LRRN1: variants seen among roughly 807,000 people sequenced by gnomAD.
The protein encoded by LRRN1 is leucine-rich repeat neuronal protein 1.
Under a neutral mutation model 45.8 loss-of-function variants are expected in LRRN1, and 14 were observed. That is an observed-to-expected ratio of 0.31 (90% CI 0.20 to 0.48). The LOEUF (loss-of-function observed/expected upper bound fraction) is 0.48, where lower values mean the gene tolerates loss of function less well. LRRN1 is among the 20% of genes least tolerant of loss of function. LRRN1 has a pLI of 0.99. For missense variants in LRRN1, 789 were observed against 874.2 expected (o/e 0.90, Z 1.23); for synonymous variants, 359 against 330.1 (o/e 1.09, Z -0.95).
Position 3,848,293 on chromosome 3 carries a change from G to A in LRRN1, c.*1501G>A, listed in dbSNP as rs1693821338. 6.6e-6 allele frequency among the ~76,000 whole-genome samples: 1 copy of A among 152,150 alleles called. No individual in the cohort carries two copies. The highest frequency in any genetic ancestry group is 6.5e-5 in the Admixed American group (1 of 15,268). On this transcript the variant is annotated 3_prime_UTR_variant, in exon 2 of 2. Transcript: ENST00000319331. The stretch of plus-strand genomic sequence containing the variant: ...TTTGGAGAATTGTTTCAAGATTATA[G>A]AGGAAACATGTAACATTTAGAGCAG...
At position 3,844,764 on chromosome 3, in the gene LRRN1, T is replaced by A. The variant is rs1036891397; in HGVS notation, c.123T>A (p.Arg41=). 9 of 1,614,094 alleles carry A rather than the reference T, an allele frequency of 5.6e-6. No individual in the cohort carries two copies. Among genetic ancestry groups the A allele is most frequent in the Non-Finnish European group, 7.6e-6 (9 of 1,180,002 alleles). Reference sequence around the variant, plus strand: ...CACAACTTTGCGTATGTGAAATTCGTCCCTGGTTTACCCCACAGTCAACTT... The same window carrying A: ...CACAACTTTGCGTATGTGAAATTCGACCCTGGTTTACCCCACAGTCAACTT... ...ECPQLCVCEI[R]PWFTPQSTYR... Residue 41 remains arginine, a synonymous_variant, in exon 2 of 2, where the codon CGT becomes CGA. Transcript: ENST00000319331.
At chr3:3,811,094 TAG>T (rs1692863146) in intron 1 of LRRN1, among the ~76,000 whole-genome samples, 1 of 152,116 alleles carries the variant, frequency 6.6e-6, no homozygotes, top group South Asian at 2.1e-4. Context: ...GGCCAATAAA[TAG>T]AGTTTTCTAA....
At chr3:3,807,977 GT>G (rs1243874477) in intron 1 of LRRN1, among the ~76,000 whole-genome samples, 1 of 152,174 alleles carries the variant, frequency 6.6e-6, no homozygotes, top group Non-Finnish European at 1.5e-5. Flanking sequence ...AAAAATGTAG[GT>G]CACTTCAAAG....
chr3:3,823,775 A>AT (rs1005837861), intron 1 of LRRN1, among the ~76,000 whole-genome samples: 21 of 151,810 alleles, frequency 1.4e-4, no homozygotes, highest in Admixed American at 3.3e-4. Context: ...TTTCTTTTTA[A>AT]TTTTTTTTTA....
chr3:3,832,311 C>T (rs550665696), intron 1 of LRRN1, among the ~76,000 whole-genome samples: 1 of 152,312 alleles, frequency 6.6e-6, no homozygotes, highest in African/African-American at 2.4e-5. Flanking sequence ...CCATAATAGC[C>T]TTCCAGTCAG....
intron 1 of LRRN1, among the ~76,000 whole-genome samples, chr3:3,817,936 A>C (rs1490912817): frequency 5.9e-5 from 9 of 152,226 alleles, no homozygotes; most frequent in Non-Finnish European, 1.3e-4. Context: ...AGTCTAATGG[A>C]ATTGCTTGAC....
intron 1 of LRRN1, among the ~76,000 whole-genome samples, chr3:3,822,274 T>A (rs574150689): frequency 6.6e-6 from 1 of 152,352 alleles, no homozygotes; most frequent in South Asian, 2.1e-4. Context: ...AACTAACTGC[T>A]GTTACTCTTA....
At position 3,849,780 on chromosome 3, in the gene LRRN1, A is replaced by C. The variant is rs147499781; in HGVS notation, c.*2988A>C. ...ATTGTCAGTGTTTCTGATTTGGCAA[A>C]AAGGAATCATCTCTATTTTTTTGCA... On this transcript the variant is annotated 3_prime_UTR_variant, in exon 2 of 2. Coordinates refer to ENST00000319331, the MANE Select transcript of LRRN1 (RefSeq NM_020873.7). Among the ~76,000 whole-genome samples the C allele has an allele frequency of 1.6e-3, 238 of 152,360 alleles. No individual in the cohort carries two copies. Among genetic ancestry groups the C allele is most frequent in the African/African-American group, 5.4e-3 (226 of 41,592 alleles).
chr3:3,834,984 T>G (rs564157461), intron 1 of LRRN1, among the ~76,000 whole-genome samples: 6 of 152,270 alleles, frequency 3.9e-5, no homozygotes, highest in African/African-American at 1.4e-4. Flanking sequence ...AAGTTGACAC[T>G]GGGTATTAAC....
At chr3:3,829,000 T>TTG (rs1693301784) in intron 1 of LRRN1, among the ~76,000 whole-genome samples, 1 of 151,602 alleles carries the variant, frequency 6.6e-6, no homozygotes, top group African/African-American at 2.4e-5. Context: ...TCTTTTTTTT[T>TTG]TTTTTTCCTG....
rs141275569 is a variant in LRRN1 at position 3,834,763 on chromosome 3, C to T, written c.-278-9601C>T. ...GTTCGAGGGCAGGAAGCATCCAGCACAGGAGAAAGATGTAGGCTGGGAGGC... is the reference window on the plus strand; with the variant it reads ...GTTCGAGGGCAGGAAGCATCCAGCATAGGAGAAAGATGTAGGCTGGGAGGC... On this transcript the variant is annotated intron_variant, in intron 1 of 1. Coordinates refer to ENST00000319331, the MANE Select transcript of LRRN1 (RefSeq NM_020873.7). Among the ~76,000 whole-genome samples the T allele has an allele frequency of 3.2e-3, 488 of 151,204 alleles. 2 individuals are homozygous for T. Among genetic ancestry groups the T allele is most frequent in the African/African-American group, 0.01 (420 of 41,188 alleles).
rs1433402824 is a variant in LRRN1 at position 3,845,389 on chromosome 3, AAACTGGT to A, written c.749_755del (p.Lys250IlefsTer14). 6.2e-7 allele frequency: 1 copy of A among 1,614,100 alleles called. No individual in the cohort carries two copies. Among genetic ancestry groups the A allele is most frequent in the Admixed American group, 1.7e-5 (1 of 60,006 alleles). On this transcript the variant is annotated frameshift_variant, in exon 2 of 2. Transcript: ENST00000319331. LOFTEE classifies it high-confidence loss of function. The surrounding 1 kb of genome is among the most constrained non-coding windows in gnomAD (Gnocchi z 6.5). ...TGAGAGCCTGTCTTTTTATGATAAC[AAACTGGT>A]TAAAGTCCCTCAACTTGCCCTGCAA...
intron 1 of LRRN1, among the ~76,000 whole-genome samples, chr3:3,803,367 A>C (rs1050772551): frequency 4.6e-5 from 7 of 152,230 alleles, no homozygotes; most frequent in Admixed American, 1.3e-4. Flanking sequence ...TCATAAATAA[A>C]ATATGGTAAA....
At position 3,816,616 on chromosome 3, in the gene LRRN1, C is replaced by G. The variant is rs998873704; in HGVS notation, c.-279+16697C>G. Among the ~76,000 whole-genome samples, 1 of 152,120 alleles carries G rather than the reference C, an allele frequency of 6.6e-6. No individual in the cohort carries two copies. Among genetic ancestry groups the G allele is most frequent in the Non-Finnish European group, 1.5e-5 (1 of 68,010 alleles). The stretch of plus-strand genomic sequence containing the variant: ...TCTTAGTAAAAAATATATAACCACC[C>G]TTATTAAAGGCAAAAATATAGGTAT... On this transcript the variant is annotated intron_variant, in intron 1 of 1. Transcript: ENST00000319331. The surrounding 1 kb of genome is among the most constrained non-coding windows in gnomAD (Gnocchi z 4.0).
At chr3:3,828,696 A>C (rs961154585) in intron 1 of LRRN1, among the ~76,000 whole-genome samples, 1 of 152,216 alleles carries the variant, frequency 6.6e-6, no homozygotes, top group Non-Finnish European at 1.5e-5. Flanking sequence ...CCCAACCCAA[A>C]TACTGTTACA....
chr3:3,811,189 G>T (rs1692865979), intron 1 of LRRN1, among the ~76,000 whole-genome samples: 1 of 152,108 alleles, frequency 6.6e-6, no homozygotes, highest in Non-Finnish European at 1.5e-5. Context: ...CCCTAGACAA[G>T]GATCTTGCCC....
Position 3,845,851 on chromosome 3 carries a change from G to A in LRRN1, c.1210G>A (p.Glu404Lys), listed in dbSNP as rs755048770. The change falls in exon 2 of 2, where the codon GAA (glutamate) becomes AAA (lysine). Residue 404 changes from glutamate to lysine, a missense_variant. Transcript: ENST00000319331. This position sits in a 1 kb window ranked among gnomAD's most constrained non-coding sequence, Gnocchi z 6.5. ...PLSMFCAMPP[E>K]YKGHQVKEVL... The stretch of plus-strand genomic sequence containing the variant: ...GTCCATGTTCTGTGCCATGCCGCCC[G>A]AATATAAAGGGCACCAGGTGAAGGA... 62 of 1,613,970 alleles carry A rather than the reference G, an allele frequency of 3.8e-5. No individual in the cohort carries two copies. The highest frequency in any genetic ancestry group is 1.3e-4 in the East Asian group (6 of 44,872).
rs566565483 is a variant in LRRN1 at position 3,836,557 on chromosome 3, CGTGT to C, written c.-278-7798_-278-7795del. On this transcript the variant is annotated intron_variant, in intron 1 of 1. Coordinates refer to ENST00000319331, the MANE Select transcript of LRRN1 (RefSeq NM_020873.7). Reference sequence around the variant, plus strand: ...CCATTGTATGTACACACCACATTTTCGTGTGTGTGTGTTTGTGTGTGTGTATGTA... The same window carrying C: ...CCATTGTATGTACACACCACATTTTCGTGTGTGTTTGTGTGTGTGTATGTA... Among the ~76,000 whole-genome samples the C allele has an allele frequency of 2.3e-3, 352 of 152,038 alleles. 5 individuals are homozygous for C. The highest frequency in any genetic ancestry group is 8.3e-3 in the African/African-American group (343 of 41,438).
intron 1 of LRRN1, among the ~76,000 whole-genome samples, chr3:3,810,074 A>G (rs942420797): frequency 2.0e-5 from 3 of 152,238 alleles, no homozygotes; most frequent in Non-Finnish European, 4.4e-5. Context: ...TATGGATTCC[A>G]CTGATGTGCT....
Sources: allele counts gnomAD v4.1 joint callset (sites outside exome capture counted in the v4.1 genomes callset), GRCh38; gene constraint gnomAD v4.1.1; non-coding constraint Gnocchi (gnomAD v3.1); transcripts MANE v1.5; gene names NCBI Gene and HGNC (gene_info 2026-07-23, HGNC 2026-07-21).